CDK5RAP1: variants seen among roughly 807,000 people sequenced by gnomAD.
The protein encoded by CDK5RAP1 is CDK5RAP1 mitochondrial tRNA methylthiotransferase.
Under a neutral mutation model 64.5 loss-of-function variants are expected in CDK5RAP1, and 62 were observed. That is an observed-to-expected ratio of 0.96 (90% CI 0.78 to 1.19). The LOEUF (loss-of-function observed/expected upper bound fraction) is 1.19. Ranked by LOEUF, CDK5RAP1 falls within the 50% of genes most tolerant of loss-of-function variation. The pLI, the probability that CDK5RAP1 is intolerant of heterozygous loss-of-function variation, is 0.00. For missense variants in CDK5RAP1, 657 were observed against 735.0 expected (o/e 0.89, Z 1.23); for synonymous variants, 250 against 261.9 (o/e 0.95, Z 0.44).
intron 8 of CDK5RAP1, among the ~76,000 whole-genome samples, chr20:33,376,478 C>G (rs903428221): frequency 6.6e-6 from 1 of 152,154 alleles, no homozygotes; most frequent in Admixed American, 6.6e-5. Flanking sequence ...ATTTTAAGCT[C>G]ACTGTTGAGA....
At chr20:33,400,938 C>T (rs1989355618) in intron 1 of CDK5RAP1, among the ~76,000 whole-genome samples, 1 of 152,222 alleles carries the variant, frequency 6.6e-6, no homozygotes, top group Non-Finnish European at 1.5e-5. Context: ...CACCTATCTC[C>T]ATAAGCCTAC....
intron 11 of CDK5RAP1, among the ~76,000 whole-genome samples, chr20:33,368,636 G>T (rs1344835375): frequency 6.6e-6 from 1 of 151,926 alleles, no homozygotes; most frequent in Non-Finnish European, 1.5e-5. Flanking sequence ...ACTTTGGGAG[G>T]CCAAGGTGGT....
Position 33,401,487 on chromosome 20 carries a change from T to G in CDK5RAP1, c.-80A>C, listed in dbSNP as rs1315433163. On this transcript the variant is annotated 5_prime_UTR_variant, in exon 1 of 14. Transcript: ENST00000346416. ...GCGTAAGTTCTGCCGGCAAGTCGGA[T>G]CCCCTCACAGGTCCGCCGCTGCGTT... 7 of 985,164 alleles carry G rather than the reference T, an allele frequency of 7.1e-6. No individual in the cohort carries two copies. Among genetic ancestry groups the G allele is most frequent in the African/African-American group, 5.2e-5 (3 of 57,244 alleles). The allele number at this position is 985,164 out of a possible 1,614,324, so 61.0% of individuals were successfully genotyped here. A position where few individuals can be genotyped will look rare whatever the true frequency, so the allele number is the denominator to read the frequency against.
chr20:33,359,173 T>C, intron 13 of CDK5RAP1, 50 bp from the exon 14 acceptor site: 1 of 1,336,084 alleles, frequency 7.5e-7, no homozygotes, highest in Non-Finnish European at 1.1e-6. Context: ...ACTGTAGCAC[T>C]GGGACTTCAT....
In CDK5RAP1 at chr20:33,387,442, G is replaced by C. The variant is rs941880192; in HGVS notation, c.636C>G (p.Pro212=). The change falls in exon 6 of 14, where the codon CCC becomes CCG. Residue 212 remains proline, a synonymous_variant. Coordinates refer to ENST00000346416, the MANE Select transcript of CDK5RAP1 (RefSeq NM_016408.4). ...CCGACTCAGCAACAGCCAGCAGCCGGGGAAGGTCCCGGTAGGCATCAGGAC... is the reference window on the plus strand; with the variant it reads ...CCGACTCAGCAACAGCCAGCAGCCGCGGAAGGTCCCGGTAGGCATCAGGAC... ...LAGPDAYRDL[P]RLLAVAESGQ... The C allele has an allele frequency of 6.2e-7, 1 of 1,614,162 alleles. No homozygotes were observed. The highest frequency in any genetic ancestry group is 1.1e-5 in the South Asian group (1 of 91,082).
chr20:33,359,209 CA>C, intron 13 of CDK5RAP1, 86 bp from the exon 14 acceptor site: 1 of 1,006,902 alleles, frequency 9.9e-7, no homozygotes, highest in Non-Finnish European at 1.5e-6. Flanking sequence ...GAGAAGCCCC[CA>C]AAAGGAATCT....
At chr20:33,376,485 G>A (rs1398767488) in intron 8 of CDK5RAP1, among the ~76,000 whole-genome samples, 1 of 152,100 alleles carries the variant, frequency 6.6e-6, no homozygotes, top group Non-Finnish European at 1.5e-5. Flanking sequence ...GCTCACTGTT[G>A]AGACCTACTG....
In CDK5RAP1 at chr20:33,370,570, C is replaced by T. The variant is rs1568688092; in HGVS notation, c.1321G>A (p.Val441Ile). Residue 441 changes from valine (V) to isoleucine (I), a missense_variant, in exon 11 of 14, where the codon GTC becomes ATC. Physicochemically the swap from Val to Ile is conservative, Grantham distance 29 (BLOSUM62 3). Transcript: ENST00000346416. ...TCCCGGAGCAAAGAGACTGTCTGGA[C>T]GTGATCTTCCTCCGTCTCACCACAA... ...GFCGETEEDH[V>I]QTVSLLREVQ... 3.1e-6 allele frequency: 5 copies of T among 1,614,126 alleles called. No homozygotes were observed. The highest frequency in any genetic ancestry group is 2.2e-5 in the East Asian group (1 of 44,886).
chr20:33,390,753 C>T (rs1988216863), intron 5 of CDK5RAP1, among the ~76,000 whole-genome samples: 1 of 152,156 alleles, frequency 6.6e-6, no homozygotes, highest in African/African-American at 2.4e-5. Flanking sequence ...TTCCATCCTC[C>T]TGCGTCAATT....
chr20:33,373,123 TAG>T (rs1223920213), intron 9 of CDK5RAP1: 1 of 170,508 alleles, frequency 5.9e-6, no homozygotes, highest in African/African-American at 2.5e-5. Context: ...TGTATGTGTG[TAG>T]AGACTGGGTT....
chr20:33,364,555 A>T (rs1173622581), intron 12 of CDK5RAP1, among the ~76,000 whole-genome samples: 2 of 151,988 alleles, frequency 1.3e-5, no homozygotes, highest in Non-Finnish European at 2.9e-5. Flanking sequence ...AAGATTAGTC[A>T]AGTATTGACA....
At chr20:33,364,027 T>C (rs188873132) in intron 12 of CDK5RAP1, among the ~76,000 whole-genome samples, 179 of 152,186 alleles carry the variant, frequency 1.2e-3, no homozygotes, top group African/African-American at 4.0e-3. Flanking sequence ...GAGCAAATAT[T>C]TGGTAATATT....
At chr20:33,373,149 CGTGTGTGTGTGTGTGT>C (rs148856565) in intron 9 of CDK5RAP1, 3 of 139,838 alleles carry the variant, frequency 2.1e-5, no homozygotes, top group Non-Finnish European at 4.5e-5. Flanking sequence ...CCATGTTGCC[CGTGTGTGTGTGTGTGT>C]GTGTGTGTGT....
intron 5 of CDK5RAP1, among the ~76,000 whole-genome samples, chr20:33,389,982 G>A (rs1988119458): frequency 6.7e-6 from 1 of 149,048 alleles, no homozygotes; most frequent in Non-Finnish European, 1.5e-5. Context: ...GCCTTATAAA[G>A]GAAGGAAATT....
Position 33,395,048 on chromosome 20 carries a change from T to C in CDK5RAP1, c.373A>G (p.Lys125Glu). ...TTACTGGTCCGCAGGTAGCCACTCT[T>C]CTGTAAGATGGACCAGGCTATCTCT... ...DTEIAWSILQ[K>E]SGYLRTSNLQ... The change falls in exon 3 of 14, where the codon AAG becomes GAG. Residue 125 changes from lysine to glutamate, a missense_variant. By Grantham distance (56) the Lys-to-Glu change is moderately conservative (BLOSUM62 1). Coordinates refer to ENST00000346416, the MANE Select transcript of CDK5RAP1 (RefSeq NM_016408.4). The C allele has an allele frequency of 6.2e-7, 1 of 1,613,230 alleles. No individual in the cohort carries two copies. The highest frequency in any genetic ancestry group is 8.5e-7 in the Non-Finnish European group (1 of 1,179,206).
At chr20:33,401,321 A>T in intron 1 of CDK5RAP1, 107 bp downstream of exon 1, 1 of 839,496 alleles carries the variant, frequency 1.2e-6, no homozygotes, top group Non-Finnish European at 1.4e-6. Flanking sequence ...CCACCGTGCC[A>T]TCCTCCCTCT....
chr20:33,362,301 G>T (rs1482497436), intron 12 of CDK5RAP1, among the ~76,000 whole-genome samples: 1 of 152,102 alleles, frequency 6.6e-6, no homozygotes, highest in Admixed American at 6.5e-5. Context: ...GAGTAAAGAA[G>T]AATGACCACA....
In CDK5RAP1 at chr20:33,394,028, G is replaced by T; in HGVS notation, c.443+4C>A. On this transcript the variant is annotated splice_donor_region_variant and intron_variant, in intron 4 of 13. Coordinates refer to ENST00000346416, the MANE Select transcript of CDK5RAP1 (RefSeq NM_016408.4). The stretch of plus-strand genomic sequence containing the variant: ...TCACTCCTAGGAAAAGAACAAATTC[G>T]CACCTGATAGAGCATGTGACAAGGA... 1 of 1,588,420 alleles carries T rather than the reference G, an allele frequency of 6.3e-7. No individual in the cohort carries two copies. Among genetic ancestry groups the T allele is most frequent in the Non-Finnish European group, 8.6e-7 (1 of 1,156,538 alleles).
At chr20:33,384,669 A>G (rs1351127297) in intron 7 of CDK5RAP1, among the ~76,000 whole-genome samples, 1 of 152,160 alleles carries the variant, frequency 6.6e-6, no homozygotes, top group African/African-American at 2.4e-5. Context: ...TGGGAGGCCA[A>G]GACAGTAGGA....
Sources: gnomAD v4.1 joint callset for allele counts (sites outside exome capture counted in the v4.1 genomes callset) on GRCh38, gnomAD v4.1.1 for gene constraint, MANE v1.5 for transcripts, NCBI Gene and HGNC (gene_info 2026-07-23, HGNC 2026-07-21) for gene names.